Variants in MACF1 observed in about 807,000 individuals in gnomAD.
MACF1 encodes the protein microtubule actin crosslinking factor 1, also known as microtubule-actin cross-linking factor 1.
Under a neutral mutation model 854.8 loss-of-function variants are expected in MACF1, and 193 were observed. The ratio of observed to expected loss-of-function variants is 0.23; its 90% CI spans 0.20 to 0.25. The LOEUF is 0.25. Ranked by LOEUF, MACF1 falls within the 10% of genes least tolerant of loss-of-function variation. The probability of loss-of-function intolerance (pLI) is 1.00; values close to 1 mark genes in which losing one functional copy is unlikely to be tolerated. For synonymous variants in MACF1, 3,185 were observed against 3,226.7 expected (o/e 0.99, Z 0.44); for missense variants, 7,722 against 8,929.1 (o/e 0.86, Z 5.45).
At chr1:39,174,814 G>A (rs1169106072) in intron 2 of MACF1, among the ~76,000 whole-genome samples, 2 of 152,194 alleles carry the variant, frequency 1.3e-5, no homozygotes, top group Non-Finnish European at 2.9e-5. Flanking sequence ...AAATATCTTA[G>A]TAGGAAAAGG....
intron 56 of MACF1, among the ~76,000 whole-genome samples, chr1:39,384,444 C>T (rs56730544): frequency 0.014 from 2,204 of 152,084 alleles, 38 homozygotes; most frequent in African/African-American, 0.05. Context: ...CTTTACTGTC[C>T]TCATTTTACA....
At chr1:39,444,260 G>A (rs528874275) in intron 79 of MACF1, among the ~76,000 whole-genome samples, 8 of 152,132 alleles carry the variant, frequency 5.3e-5, no homozygotes, top group Middle Eastern at 3.4e-3. Flanking sequence ...GTGTGAACCC[G>A]GGAGGCGGAG....
chr1:39,257,582 G>C (rs957646161), intron 5 of MACF1: 1 of 194,828 alleles, frequency 5.1e-6, no homozygotes, highest in Non-Finnish European at 1.0e-5. Flanking sequence ...GATTACAGGC[G>C]TGAGCCATCG....
chr1:39,095,353 C>T (rs1641910636), intron 2 of MACF1, among the ~76,000 whole-genome samples: 1 of 147,970 alleles, frequency 6.8e-6, no homozygotes, highest in South Asian at 2.2e-4. Context: ...ATGAGGTCAA[C>T]AGATCGAGAC....
At chr1:39,291,280 G>A (rs538436763) in intron 15 of MACF1, among the ~76,000 whole-genome samples, 6 of 152,170 alleles carry the variant, frequency 3.9e-5, no homozygotes, top group East Asian at 1.9e-4. Flanking sequence ...CCTGGCAATC[G>A]TAACTCTTAA....
In MACF1 at chr1:39,197,260, C is replaced by A. The variant is rs1644331673; in HGVS notation, c.221-33922C>A. 2.6e-5 allele frequency among the ~76,000 whole-genome samples: 4 copies of A among 151,834 alleles called. No individual in the cohort carries two copies. The South Asian group carries it at 8.3e-4, about 32-fold the overall frequency. ...ATAAATATATACACACACACACACA[C>A]AAGCTGCAGATAGGCAGGCTTTTTA... On this transcript the variant is annotated intron_variant, in intron 2 of 93. Transcript: ENST00000361689.
intron 49 of MACF1, among the ~76,000 whole-genome samples, chr1:39,363,147 C>T (rs1262712509): frequency 1.3e-5 from 2 of 152,078 alleles, no homozygotes; most frequent in Admixed American, 6.6e-5. Flanking sequence ...TCTGTAATTT[C>T]TTATATAATT....
At chr1:39,190,792 T>C (rs1644246452) in intron 2 of MACF1, among the ~76,000 whole-genome samples, 1 of 152,014 alleles carries the variant, frequency 6.6e-6, no homozygotes, top group African/African-American at 2.4e-5. Flanking sequence ...GCCAGGAGTT[T>C]GAGACTGGGT....
chr1:39,410,804 G>T (rs971434041), intron 58 of MACF1: 2 of 1,613,962 alleles, frequency 1.2e-6, no homozygotes, highest in Non-Finnish European at 1.7e-6. Flanking sequence ...GAAAGTTCTG[G>T]TCATTTGGAC....
intron 80 of MACF1, among the ~76,000 whole-genome samples, chr1:39,445,143 G>T (rs913919416): frequency 2.0e-5 from 3 of 152,152 alleles, no homozygotes; most frequent in Non-Finnish European, 2.9e-5. Flanking sequence ...GGTATCTTGG[G>T]GTTGAGAGAT....
chr1:39,154,733 T>C (rs1008992251), intron 2 of MACF1, among the ~76,000 whole-genome samples: 3 of 151,932 alleles, frequency 2.0e-5, no homozygotes, highest in Non-Finnish European at 2.9e-5. Context: ...TTTTTTTTTT[T>C]AACAGCCATC....
At chr1:39,199,041 A>C (rs867236046) in intron 2 of MACF1, among the ~76,000 whole-genome samples, 70 of 152,026 alleles carry the variant, frequency 4.6e-4, no homozygotes, top group African/African-American at 1.4e-3. Flanking sequence ...GCTGGAGTGC[A>C]GTGGCGCGAT....
At position 39,335,543 on chromosome 1, in the gene MACF1, T is replaced by A. The variant is rs990239077; in HGVS notation, c.8955T>A (p.Ser2985Arg). 6.8e-6 allele frequency: 11 copies of A among 1,614,020 alleles called. No homozygotes were observed. Among genetic ancestry groups the A allele is most frequent in the Non-Finnish European group, 9.3e-6 (11 of 1,180,014 alleles). ...REKREVIVEE[S>R]IRTCKPAFLS... is the part of the protein sequence containing the mutation. ...AGAGGGAGGTGATTGTAGAAGAAAG[T>A]ATCAGAACATGCAAACCAGCATTTC... The change falls in exon 37 of 101, where the codon AGT becomes AGA. Residue 2985 changes from serine to arginine, a missense_variant. By Grantham distance (110) the Ser-to-Arg change is moderately radical. Coordinates refer to ENST00000564288, the MANE Select transcript of MACF1 (RefSeq NM_001394062.1).
At chr1:39,360,052 T>TATATATATATAC (rs1197982446) in intron 47 of MACF1, among the ~76,000 whole-genome samples, 10 of 49,876 alleles carry the variant, frequency 2.0e-4, no homozygotes, top group South Asian at 7.0e-4. Context: ...TATATATATA[T>TATATATATATAC]ACACACACAC....
At chr1:39,314,419 A>T (rs1646366556) in intron 26 of MACF1, among the ~76,000 whole-genome samples, 1 of 152,192 alleles carries the variant, frequency 6.6e-6, no homozygotes, top group African/African-American at 2.4e-5. Context: ...CAAGAAAAAA[A>T]AAAGAAAACA....
intron 2 of MACF1, among the ~76,000 whole-genome samples, chr1:39,100,913 C>T (rs936885188): frequency 7.7e-6 from 1 of 129,060 alleles, no homozygotes; most frequent in Non-Finnish European, 1.8e-5. Context: ...AATGCACGCG[C>T]GCGTGTGTGT....
chr1:39,165,850 C>T (rs1643876661), intron 2 of MACF1, among the ~76,000 whole-genome samples: 1 of 152,142 alleles, frequency 6.6e-6, no homozygotes, highest in African/African-American at 2.4e-5. Context: ...GTTTGAAATC[C>T]TTTGATTTGG....
intron 2 of MACF1, among the ~76,000 whole-genome samples, chr1:39,163,783 C>G (rs968707455): frequency 1.3e-5 from 2 of 152,062 alleles, no homozygotes; most frequent in African/African-American, 4.8e-5. Context: ...AGAGTGAATT[C>G]TTTTTTTAAG....
chr1:39,224,744 C>G (rs1644693097), intron 1 of MACF1, among the ~76,000 whole-genome samples: 1 of 152,018 alleles, frequency 6.6e-6, no homozygotes, highest in Non-Finnish European at 1.5e-5. Context: ...CAAAGAGATC[C>G]AGATTTTAGG....
Sources: allele counts gnomAD v4.1 joint callset (sites outside exome capture counted in the v4.1 genomes callset), GRCh38; gene constraint gnomAD v4.1.1; transcripts MANE v1.5; gene names NCBI Gene and HGNC (gene_info 2026-07-23, HGNC 2026-07-21).